Variants in SPTB observed in about 807,000 individuals in gnomAD.
The protein encoded by SPTB is spectrin beta, erythrocytic, also known as spectrin beta chain, erythrocytic.
In SPTB, 45 loss-of-function variants were observed where a neutral mutation model predicts 256.2. The ratio of observed to expected loss-of-function variants is 0.18; its 90% CI spans 0.14 to 0.23. The LOEUF is 0.23. Ranked by LOEUF, SPTB falls within the 10% of genes least tolerant of loss-of-function variation. The probability of loss-of-function intolerance (pLI) is 1.00; values close to 1 mark genes in which losing one functional copy is unlikely to be tolerated. For synonymous variants in SPTB, 1,231 were observed against 1,243.1 expected, an observed-to-expected ratio of 0.99 and a Z score of 0.21; for missense variants, 2,715 against 3,040.4, an observed-to-expected ratio of 0.89 and a Z score of 2.52.
chr14:64,765,989 G>A (rs979504274), intron 32 of SPTB, among the ~76,000 whole-genome samples: 5 of 150,322 alleles, frequency 3.3e-5, no homozygotes, highest in Admixed American at 2.7e-4. Context: ...TGTGCATGTG[G>A]ATGGGTGTGG....
chr14:64,755,516 A>G (rs936964947), intron 32 of SPTB: 1 of 152,258 alleles, frequency 6.6e-6, no homozygotes, highest in African/African-American at 2.4e-5. Flanking sequence ...TGGCTGGGAA[A>G]GTTTGGAAAC....
In SPTB at chr14:64,866,653, T is replaced by A. The variant is rs370965766; in HGVS notation, c.-52+13139A>T. Among the ~76,000 whole-genome samples the A allele has an allele frequency of 3.3e-5, 5 of 152,246 alleles. No individual in the cohort carries two copies. The highest frequency in any genetic ancestry group is 9.6e-5 in the African/African-American group (4 of 41,556). On this transcript the variant is annotated intron_variant, in intron 1 of 35. Coordinates refer to ENST00000644917, the MANE Select transcript of SPTB (RefSeq NM_001355436.2). The surrounding 1 kb of genome is among the most constrained non-coding windows in gnomAD (Gnocchi z 4.6). ...GAGTTTTGTTGAAAGGAACAAAACA[T>A]GCTCAGAGGCCTGAGCAAGCAGAAT... is the stretch of plus-strand genomic sequence containing the variant.
At chr14:64,865,769 C>G (rs1365397763) in intron 1 of SPTB, among the ~76,000 whole-genome samples, 1 of 152,226 alleles carries the variant, frequency 6.6e-6, no homozygotes, top group Admixed American at 6.5e-5. Context: ...GTATAGGTCT[C>G]TGCCTTGCAG....
chr14:64,794,461 T>A lies in SPTB; in HGVS notation c.1795+6A>T. ...GCCTCAAAAGGGGAGACAGACTTGG[T>A]CTCACCTTTCCCCTCGGTGAACTTC... On this transcript the variant is annotated splice_donor_region_variant and intron_variant, in intron 13 of 35. Transcript: ENST00000644917. The A allele has an allele frequency of 6.2e-7, 1 of 1,614,178 alleles. No individual in the cohort carries two copies. Among genetic ancestry groups the A allele is most frequent in the Non-Finnish European group, 8.5e-7 (1 of 1,180,032 alleles).
intron 8 of SPTB, among the ~76,000 whole-genome samples, chr14:64,800,412 GT>G (rs1373519248): frequency 6.6e-6 from 1 of 152,252 alleles, no homozygotes; most frequent in Non-Finnish European, 1.5e-5. Flanking sequence ...CAATGGGTGA[GT>G]TTCTGGTACA....
rs1231337680 is a variant in SPTB at position 64,841,327 on chromosome 14, C to T, written c.-51-18182G>A. On this transcript the variant is annotated intron_variant, in intron 1 of 35. Transcript: ENST00000644917. This position sits in a 1 kb window ranked among gnomAD's most constrained non-coding sequence, Gnocchi z 4.6. ...CTCCTGTGATCACTGCCCTGTCAAC[C>T]CAGCCAGACCCAAGCCCTCTGCAGG... Among the ~76,000 whole-genome samples, 2 of 152,158 alleles carry T rather than the reference C, an allele frequency of 1.3e-5. No homozygotes were observed. Among genetic ancestry groups the T allele is most frequent in the Non-Finnish European group, 2.9e-5 (2 of 68,018 alleles).
At chr14:64,817,562 C>T (rs779519242) in intron 2 of SPTB, among the ~76,000 whole-genome samples, 1 of 152,218 alleles carries the variant, frequency 6.6e-6, no homozygotes, top group Non-Finnish European at 1.5e-5. Context: ...CCAGCAGCTG[C>T]ACCTGAATCT....
intron 2 of SPTB, among the ~76,000 whole-genome samples, chr14:64,822,042 T>C (rs1436212724): frequency 1.3e-5 from 2 of 151,584 alleles, no homozygotes. Flanking sequence ...ATGGGGAAGG[T>C]TGTACTCTTC....
rs760445808 is a variant in SPTB, at chr14:64,823,229, C to G, written c.-51-84G>C. 9.8e-7 allele frequency: 1 copy of G among 1,023,436 alleles called. No individual in the cohort carries two copies. The highest frequency in any genetic ancestry group is 1.5e-6 in the Non-Finnish European group (1 of 669,924). The allele number at this position is 1,023,436 out of a possible 1,614,324, so 63.4% of individuals were successfully genotyped here. A position where few individuals can be genotyped will look rare whatever the true frequency, so the allele number is the denominator to read the frequency against. On this transcript the variant is annotated intron_variant, in intron 1 of 35. Transcript: ENST00000644917. This position sits in a 1 kb window ranked among gnomAD's most constrained non-coding sequence, Gnocchi z 6.5. Reference sequence around the variant, plus strand: ...GGGGAAACTTATTCGGAGCATCCAACGTGAGTAGATCCTGACAGAAGCAGA... The same window carrying G: ...GGGGAAACTTATTCGGAGCATCCAAGGTGAGTAGATCCTGACAGAAGCAGA...
In SPTB at chr14:64,747,952, G is replaced by A. The variant is rs542993392; in HGVS notation, c.*1354C>T. ...TCCAGAAGTATGACCTGAGCAGCAAGGGGAAGGCCATTCCTGGGGACGTTG... is the reference window on the plus strand; with the variant it reads ...TCCAGAAGTATGACCTGAGCAGCAAAGGGAAGGCCATTCCTGGGGACGTTG... On this transcript the variant is annotated 3_prime_UTR_variant, in exon 36 of 36. Transcript: ENST00000644917. 6.6e-6 allele frequency: 1 copy of A among 152,394 alleles called. No individual in the cohort carries two copies. Among genetic ancestry groups the A allele is most frequent in the South Asian group, 2.1e-4 (1 of 4,832 alleles). 9.4% of individuals were successfully genotyped at this position (152,394 alleles called of 1,614,324 possible). A position where few individuals can be genotyped will look rare whatever the true frequency, so the allele number is the denominator to read the frequency against.
At chr14:64,811,717 T>G (rs183489026) in intron 2 of SPTB, among the ~76,000 whole-genome samples, 14 of 152,354 alleles carry the variant, frequency 9.2e-5, no homozygotes, top group African/African-American at 3.4e-4. Flanking sequence ...TTGTCTCTAC[T>G]TTTTTACCAG....
intron 28 of SPTB, 77 bp downstream of exon 28, chr14:64,769,513 C>T: frequency 1.3e-6 from 2 of 1,584,464 alleles, no homozygotes; most frequent in East Asian, 2.3e-5. Flanking sequence ...CTCTCATCTC[C>T]CTCCCAGGAG....
rs2083659011 is a variant in SPTB at position 64,844,497 on chromosome 14, T to C, written c.-51-21352A>G. Among the ~76,000 whole-genome samples, 1 of 152,212 alleles carries C rather than the reference T, an allele frequency of 6.6e-6. No homozygotes were observed. The highest frequency in any genetic ancestry group is 2.4e-5 in the African/African-American group (1 of 41,454). ...GTGAGTGATTTTCACTTCTCCATTT[T>C]ATAAATGAAGAAACTGAAGCTCACA... On this transcript the variant is annotated intron_variant, in intron 1 of 35. Coordinates refer to ENST00000644917, the MANE Select transcript of SPTB (RefSeq NM_001355436.2). The surrounding 1 kb of genome is among the most constrained non-coding windows in gnomAD (Gnocchi z 4.1).
Position 64,816,850 on chromosome 14 carries a change from G to T in SPTB, c.148+6097C>A, listed in dbSNP as rs1216246284. ...GGGACACATGGGGCAGGGAGAATGGGTGCTGGCTTTTCCTGAGAGCCATAA... is the reference window on the plus strand; with the variant it reads ...GGGACACATGGGGCAGGGAGAATGGTTGCTGGCTTTTCCTGAGAGCCATAA... On this transcript the variant is annotated intron_variant, in intron 2 of 35. Coordinates refer to ENST00000644917, the MANE Select transcript of SPTB (RefSeq NM_001355436.2). The surrounding 1 kb of genome is among the most constrained non-coding windows in gnomAD (Gnocchi z 4.2). Among the ~76,000 whole-genome samples, 1 of 148,052 alleles carries T rather than the reference G, an allele frequency of 6.8e-6. No individual in the cohort carries two copies. Among genetic ancestry groups the T allele is most frequent in the Non-Finnish European group, 1.5e-5 (1 of 67,998 alleles).
intron 1 of SPTB, among the ~76,000 whole-genome samples, chr14:64,829,297 T>C (rs1403470200): frequency 1.3e-5 from 2 of 152,210 alleles, no homozygotes; most frequent in East Asian, 3.8e-4. Flanking sequence ...ACTCAGCTTC[T>C]TCAACAAGTT....
At position 64,778,916 on chromosome 14, in the gene SPTB, G is replaced by A. The variant is rs1489083340; in HGVS notation, c.4563+241C>T. 1.3e-5 allele frequency among the ~76,000 whole-genome samples: 2 copies of A among 151,900 alleles called. No homozygotes were observed. The highest frequency in any genetic ancestry group is 2.9e-5 in the Non-Finnish European group (2 of 67,976). ...CACCTGTGCCTGATGGAGGCTGAAT[G>A]GCCCTGAATCCCCAACTACCTCCCC... On this transcript the variant is annotated intron_variant, in intron 22 of 35. Coordinates refer to ENST00000644917, the MANE Select transcript of SPTB (RefSeq NM_001355436.2). This position sits in a 1 kb window ranked among gnomAD's most constrained non-coding sequence, Gnocchi z 5.2.
chr14:64,773,422 T>C lies in SPTB; in HGVS notation c.4976A>G (p.Glu1659Gly). The change falls in exon 25 of 36, where the codon GAA becomes GGA. Residue 1659 changes from glutamate (E) to glycine (G), a missense_variant and splice_region_variant. Physicochemically the swap from Glu to Gly is moderately conservative, Grantham distance 98. This residue lies in a region of SPTB where 2,239 missense variants were observed against 2,384.4 expected (regional missense o/e 0.94). Transcript: ENST00000644917. ...TTGCCCCTGAAGTCTGATGATCTGT[T>C]CCCTGGAATTCAAAACCAAAAAGGC... Reference protein sequence around the residue: ...GLLSAGHPEGEQIIRLQGQVD... With the variant: ...GLLSAGHPEGGQIIRLQGQVD... 1 of 1,613,772 alleles carries C rather than the reference T, an allele frequency of 6.2e-7. No individual in the cohort carries two copies. Among genetic ancestry groups the C allele is most frequent in the Non-Finnish European group, 8.5e-7 (1 of 1,180,012 alleles).
In SPTB at chr14:64,786,096, C is replaced by G; in HGVS notation, c.3562-145G>C. ...GTAGTACAGGGAGGAGGCACTACTC[C>G]CCAGGCCTTGCCCCCACCCCTACCC... is the stretch of plus-strand genomic sequence containing the variant. On this transcript the variant is annotated intron_variant, in intron 16 of 35. Transcript: ENST00000644917. The surrounding 1 kb of genome is among the most constrained non-coding windows in gnomAD (Gnocchi z 5.6). 3 of 890,266 alleles carry G rather than the reference C, an allele frequency of 3.4e-6. No individual in the cohort carries two copies. Among genetic ancestry groups the G allele is most frequent in the Non-Finnish European group, 5.3e-6 (3 of 561,072 alleles). 55.1% of individuals were successfully genotyped at this position (890,266 alleles called of 1,614,324 possible).
chr14:64,769,507 C>T (rs1042449456), intron 28 of SPTB, 83 bp downstream of exon 28: 6 of 1,567,228 alleles, frequency 3.8e-6, no homozygotes, highest in Non-Finnish European at 4.3e-6. Context: ...CTGCAGCTCT[C>T]ATCTCCCTCC....
Sources: gnomAD v4.1 joint callset for allele counts (sites outside exome capture counted in the v4.1 genomes callset) on GRCh38, gnomAD v4.1.1 for gene constraint, gnomAD v4.1.1 regional missense constraint, Gnocchi (gnomAD v3.1) non-coding constraint, MANE v1.5 for transcripts, NCBI Gene and HGNC (gene_info 2026-07-23, HGNC 2026-07-21) for gene names.